Variants in ZFAND4 observed in about 807,000 individuals in gnomAD.
ZFAND4 encodes the protein zinc finger AN1-type containing 4.
A neutral mutation model predicts 64.4 loss-of-function variants in ZFAND4; 43 were observed. The ratio of observed to expected loss-of-function variants is 0.67; its 90% CI spans 0.52 to 0.86. ZFAND4 has a LOEUF of 0.86. ZFAND4 is among the 40% of genes least tolerant of loss of function. The probability of loss-of-function intolerance (pLI) is 0.00; values close to 1 mark genes in which losing one functional copy is unlikely to be tolerated. For missense variants in ZFAND4, 929 were observed against 859.8 expected, an observed-to-expected ratio of 1.08 and a Z score of -1.01; for synonymous variants, 296 against 305.7, an observed-to-expected ratio of 0.97 and a Z score of 0.33.
intron 2 of ZFAND4, among the ~76,000 whole-genome samples, chr10:45,658,905 C>T (rs748011505): frequency 3.3e-5 from 5 of 152,066 alleles, no homozygotes; most frequent in South Asian, 4.1e-4. Context: ...CTGAACAAAC[C>T]GAAAACCAAC....
intron 6 of ZFAND4, among the ~76,000 whole-genome samples, chr10:45,638,709 T>C (rs1186220017): frequency 6.6e-6 from 1 of 152,008 alleles, no homozygotes; most frequent in Non-Finnish European, 1.5e-5. Flanking sequence ...CAAATGTCCA[T>C]CAAAAGGAAA....
At chr10:45,655,941 A>G (rs1010714361) in intron 2 of ZFAND4, among the ~76,000 whole-genome samples, 1 of 151,836 alleles carries the variant, frequency 6.6e-6, no homozygotes, top group African/African-American at 2.4e-5. Context: ...CATTCAATGA[A>G]TTGGTACTGG....
intron 4 of ZFAND4, 68 bp downstream of exon 4, chr10:45,651,898 G>T: frequency 7.3e-7 from 1 of 1,369,232 alleles, no homozygotes; most frequent in Admixed American, 1.8e-5. Context: ...AAAACCTGAG[G>T]CTATAAAAAT....
Position 45,643,487 on chromosome 10 carries a change from G to A in ZFAND4, c.570-3524C>T, listed in dbSNP as rs544110619. On this transcript the variant is annotated intron_variant, in intron 5 of 9. Coordinates refer to ENST00000344646, the MANE Select transcript of ZFAND4 (RefSeq NM_174890.4). ...AGATCAAGACCATCCTGGCTAACAC[G>A]GTGAAACCCCGTCTCTGCTAAAAAT... 2.4e-3 allele frequency among the ~76,000 whole-genome samples: 364 copies of A among 151,260 alleles called. 1 individual carries two copies. Among genetic ancestry groups the A allele is most frequent in the Middle Eastern group, 6.9e-3 (2 of 290 alleles).
intron 2 of ZFAND4, among the ~76,000 whole-genome samples, chr10:45,660,512 C>A (rs1395719803): frequency 1.3e-5 from 2 of 151,904 alleles, no homozygotes; most frequent in Non-Finnish European, 2.9e-5. Flanking sequence ...TAAATAATGG[C>A]CCAGATTTTC....
At chr10:45,645,658 G>A (rs1337850075) in intron 5 of ZFAND4, among the ~76,000 whole-genome samples, 6 of 152,158 alleles carry the variant, frequency 3.9e-5, no homozygotes, top group African/African-American at 1.4e-4. Context: ...AACAACTAGT[G>A]TTTGAATTAC....
chr10:45,626,438 C>G lies in ZFAND4; in HGVS notation c.1385G>C (p.Arg462Pro). 6.2e-7 allele frequency: 1 copy of G among 1,613,696 alleles called. No individual in the cohort carries two copies. The highest frequency in any genetic ancestry group is 8.5e-7 in the Non-Finnish European group (1 of 1,180,006). ...TCTATTCTTGTGAGGACTTAATTCCCGGTAGTTAAGAACTGAAGTCTCTAC... is the reference window on the plus strand; with the variant it reads ...TCTATTCTTGTGAGGACTTAATTCCGGGTAGTTAAGAACTGAAGTCTCTAC... ...ESVETSVLNY[R>P]ELSPHKNRLL... The change falls in exon 7 of 10, where the codon CGG becomes CCG. Residue 462 changes from arginine to proline, a missense_variant. Arg to Pro is a moderately radical substitution (Grantham distance 103). Transcript: ENST00000344646.
intron 8 of ZFAND4, among the ~76,000 whole-genome samples, chr10:45,620,569 C>T (rs533601572): frequency 6.6e-6 from 1 of 152,152 alleles, no homozygotes; most frequent in Non-Finnish European, 1.5e-5. Flanking sequence ...AAGTGCAGTA[C>T]TCTATGAGAG....
Position 45,627,081 on chromosome 10 carries a change from G to A in ZFAND4, c.742C>T (p.Pro248Ser), listed in dbSNP as rs1378296475. 1.3e-6 allele frequency: 2 copies of A among 1,546,598 alleles called. No individual in the cohort carries two copies. The highest frequency in any genetic ancestry group is 1.7e-6 in the Non-Finnish European group (2 of 1,148,124). The change falls in exon 7 of 10, where the codon CCT becomes TCT. Residue 248 changes from proline to serine, a missense_variant. Coordinates refer to ENST00000344646, the MANE Select transcript of ZFAND4 (RefSeq NM_174890.4). ...KKPKKAVKIK[P>S]HPPVAPRPSS... ...GGTCGAGGAGCTACAGGTGGGTGAG[G>A]TTTTATCTTGACAGCTTTCTTAGGC...
chr10:45,626,787 A>G lies in ZFAND4; in HGVS notation c.1036T>C (p.Leu346=), dbSNP rs753714460. ...TCAGCAAGCTCCTGGTCATTTCCCA[A>G]CTCCAAATGGGGTATCTGAGGAGGT... ...KLPPQIPHLE[L]GNDQELADSV... The change falls in exon 7 of 10, where the codon TTG becomes CTG. Residue 346 remains leucine (L), a synonymous_variant. Transcript: ENST00000344646. The G allele has an allele frequency of 6.2e-7, 1 of 1,614,170 alleles. No individual in the cohort carries two copies. Among genetic ancestry groups the G allele is most frequent in the South Asian group, 1.1e-5 (1 of 91,082 alleles).
intron 2 of ZFAND4, among the ~76,000 whole-genome samples, chr10:45,663,053 C>G (rs2048576523): frequency 6.7e-6 from 1 of 150,114 alleles, no homozygotes; most frequent in Non-Finnish European, 1.5e-5. Context: ...CCCTGCTATA[C>G]TAAGGGAACT....
intron 9 of ZFAND4, 61 bp from the exon 10 acceptor site, chr10:45,616,632 G>A: frequency 6.3e-7 from 1 of 1,580,394 alleles, no homozygotes; most frequent in Non-Finnish European, 8.6e-7. Flanking sequence ...CATCTGTCTG[G>A]GAGACAGGAG....
intron 2 of ZFAND4, among the ~76,000 whole-genome samples, chr10:45,656,717 T>C (rs1017573966): frequency 1.3e-5 from 2 of 152,042 alleles, no homozygotes; most frequent in African/African-American, 4.8e-5. Flanking sequence ...GAAGCCTAAA[T>C]ACCCAATATA....
rs181041271 is a variant in ZFAND4 at position 45,664,502 on chromosome 10, T to G, written c.-117-660A>C. On this transcript the variant is annotated intron_variant, in intron 1 of 9. Transcript: ENST00000344646. ...CAGGATGGTCTCGATCTCTTCACCT[T>G]GTGATCCACCCGCCTCGGCCTCCCA... Among the ~76,000 whole-genome samples the G allele has an allele frequency of 1.8e-3, 270 of 151,562 alleles. 1 individual carries two copies. Among genetic ancestry groups the G allele is most frequent in the African/African-American group, 6.4e-3 (265 of 41,428 alleles).
At chr10:45,649,676 T>C (rs539334587) in intron 4 of ZFAND4, 5 of 152,364 alleles carry the variant, frequency 3.3e-5, no homozygotes, top group Admixed American at 1.3e-4. Flanking sequence ...TTTGATTTAC[T>C]TTCACAGGCC....
intron 6 of ZFAND4, among the ~76,000 whole-genome samples, chr10:45,635,225 C>CAAAAAAAAA (rs1486980850): frequency 1.4e-5 from 1 of 70,638 alleles, no homozygotes; most frequent in African/African-American, 5.3e-5. Context: ...AAAAAAAAAA[C>CAAAAAAAAA]AAACAAAAAA....
intron 6 of ZFAND4, among the ~76,000 whole-genome samples, chr10:45,630,587 G>A (rs1366515431): frequency 6.6e-6 from 1 of 151,932 alleles, no homozygotes; most frequent in Non-Finnish European, 1.5e-5. Flanking sequence ...AATTAGCCGG[G>A]CGTGGTGGCA....
intron 5 of ZFAND4, among the ~76,000 whole-genome samples, chr10:45,646,110 C>T (rs1339377727): frequency 1.3e-5 from 2 of 152,100 alleles, no homozygotes; most frequent in Admixed American, 1.3e-4. Flanking sequence ...TTAGGTAAAA[C>T]GTTATTCCCA....
chr10:45,643,937 C>T (rs1366782378), intron 5 of ZFAND4, among the ~76,000 whole-genome samples: 1 of 152,052 alleles, frequency 6.6e-6, no homozygotes, highest in Non-Finnish European at 1.5e-5. Context: ...AATGGTATTT[C>T]ATAACAAATG....
Sources: gnomAD v4.1 joint callset for allele counts (sites outside exome capture counted in the v4.1 genomes callset) on GRCh38, gnomAD v4.1.1 for gene constraint, MANE v1.5 for transcripts, NCBI Gene and HGNC (gene_info 2026-07-23, HGNC 2026-07-21) for gene names.